The following CRAMP1 variants were observed in gnomAD, a reference collection of about 807,000 sequenced individuals.
The protein encoded by CRAMP1 is protein cramped-like.
In CRAMP1, 50 loss-of-function variants were observed where a neutral mutation model predicts 115.4. The observed-to-expected ratio is 0.43, with a 90% CI of 0.35 to 0.55. The LOEUF is 0.55. Ranked by LOEUF, CRAMP1 falls within the 20% of genes least tolerant of loss-of-function variation. CRAMP1 has a pLI of 0.01. For missense variants in CRAMP1, 1,679 were observed against 1,721.7 expected (o/e 0.98, Z 0.44); for synonymous variants, 866 against 745.4 (o/e 1.16, Z -2.64).
At chr16:1,634,046 A>C (rs535662895) in intron 4 of CRAMP1, among the ~76,000 whole-genome samples, 60 of 152,064 alleles carry the variant, frequency 3.9e-4, no homozygotes, top group Non-Finnish European at 6.6e-4. Flanking sequence ...AAAAGAAAGA[A>C]AGTCAGTCCA....
intron 4 of CRAMP1, among the ~76,000 whole-genome samples, chr16:1,632,834 G>A (rs777818903): frequency 6.6e-6 from 1 of 152,214 alleles, no homozygotes; most frequent in Non-Finnish European, 1.5e-5. Flanking sequence ...TTCAGTCACG[G>A]GACCAAGTCA....
chr16:1,654,886 C>T (rs779550585), intron 8 of CRAMP1, among the ~76,000 whole-genome samples: 3 of 152,272 alleles, frequency 2.0e-5, no homozygotes, highest in South Asian at 2.1e-4. Flanking sequence ...CAGGCCCGCC[C>T]GCCCTTGAAG....
At chr16:1,660,213 G>A in intron 11 of CRAMP1, 150 bp downstream of exon 11, 2 of 661,340 alleles carry the variant, frequency 3.0e-6, no homozygotes, top group East Asian at 3.1e-5. Flanking sequence ...GGGTGAAGGT[G>A]CAGAATCACT....
At chr16:1,616,456 C>T (rs1348292983) in intron 2 of CRAMP1, among the ~76,000 whole-genome samples, 4 of 152,306 alleles carry the variant, frequency 2.6e-5, no homozygotes, top group Middle Eastern at 6.8e-3. Flanking sequence ...CGTTGAAGTG[C>T]GGCTGCTAAA....
intron 6 of CRAMP1, among the ~76,000 whole-genome samples, chr16:1,650,777 A>T (rs2036715903): frequency 6.6e-6 from 1 of 152,280 alleles, no homozygotes; most frequent in African/African-American, 2.4e-5. Flanking sequence ...TGACGTGTGC[A>T]ACTGGGAGTT....
At chr16:1,617,379 A>G (rs185515476) in intron 2 of CRAMP1, among the ~76,000 whole-genome samples, 12 of 152,316 alleles carry the variant, frequency 7.9e-5, no homozygotes, top group Admixed American at 6.5e-4. Context: ...CGTTGCTTCC[A>G]TTACCCGTCA....
rs560644327 is a variant in CRAMP1 at position 1,671,266 on chromosome 16, C to T, written c.3645+457C>T. 5.3e-5 allele frequency among the ~76,000 whole-genome samples: 8 copies of T among 152,226 alleles called. No individual in the cohort carries two copies. In the East Asian group the frequency reaches 1.2e-3, roughly 22 times the overall value. ...GGCATCTCCCTGTCATGTTGAGCTG[C>T]GGTGCAGGGGAACTGGGATGGGCTC... On this transcript the variant is annotated intron_variant, in intron 20 of 20. Coordinates refer to ENST00000397412, the MANE Select transcript of CRAMP1 (RefSeq NM_020825.4). This position sits in a 1 kb window ranked among gnomAD's most constrained non-coding sequence, Gnocchi z 5.0.
rs1248301745 is a variant in CRAMP1 at position 1,674,257 on chromosome 16, A to G, written c.*212A>G. 1.7e-6 allele frequency: 1 copy of G among 589,360 alleles called. No homozygotes were observed. Among genetic ancestry groups the G allele is most frequent in the East Asian group, 2.8e-5 (1 of 35,158 alleles). 36.5% of individuals were successfully genotyped at this position (589,360 alleles called of 1,614,324 possible). On this transcript the variant is annotated 3_prime_UTR_variant, in exon 21 of 21. Transcript: ENST00000397412. The stretch of plus-strand genomic sequence containing the variant: ...TTCTTGGCAAGGGCCAGCGTTAGAA[A>G]TCACTGTGGTACTAGAGCCGTTCTT...
At position 1,632,250 on chromosome 16, in the gene CRAMP1, G is replaced by A. The variant is rs775938302; in HGVS notation, c.579G>A (p.Ala193=). ...TTGAAGCGATTCAGAACAACATTGC[G>A]CTGAAGTACAAGAAGAAAGGCAAGC... ...KDFEAIQNNI[A]LKYKKKGKPA... is the part of the protein sequence containing the mutation. Residue 193 remains alanine, a synonymous_variant, in exon 4 of 21, where the codon GCG becomes GCA. Coordinates refer to ENST00000397412, the MANE Select transcript of CRAMP1 (RefSeq NM_020825.4). The A allele has an allele frequency of 1.4e-5, 22 of 1,579,362 alleles. No individual in the cohort carries two copies. Among genetic ancestry groups the A allele is most frequent in the Admixed American group, 9.3e-5 (5 of 53,750 alleles).
chr16:1,633,459 G>A (rs150499266), intron 4 of CRAMP1, among the ~76,000 whole-genome samples: 19 of 152,364 alleles, frequency 1.2e-4, no homozygotes, highest in African/African-American at 4.6e-4. Flanking sequence ...CGGGTCTGCC[G>A]CCGATGCGGT....
intron 6 of CRAMP1, among the ~76,000 whole-genome samples, chr16:1,649,750 A>C (rs2036707454): frequency 6.6e-6 from 1 of 150,450 alleles, no homozygotes; most frequent in Admixed American, 6.6e-5. Context: ...CGGCCTCCCA[A>C]AGAGCTGAGC....
chr16:1,649,053 CA>C (rs1465125269), intron 6 of CRAMP1, among the ~76,000 whole-genome samples: 6 of 146,960 alleles, frequency 4.1e-5, no homozygotes. Context: ...AGCAAGACTC[CA>C]TCTAAAAAAA....
At chr16:1,626,356 G>A (rs758140786) in intron 3 of CRAMP1, among the ~76,000 whole-genome samples, 190 bp downstream of exon 3, 4 of 152,202 alleles carry the variant, frequency 2.6e-5, no homozygotes, top group Non-Finnish European at 4.4e-5. Context: ...TCCTCATTGA[G>A]ATTTTAGAAG....
At chr16:1,654,206 T>C (rs1024645857) in intron 8 of CRAMP1, among the ~76,000 whole-genome samples, 4 of 151,942 alleles carry the variant, frequency 2.6e-5, no homozygotes, top group Non-Finnish European at 5.9e-5. Flanking sequence ...TTAGCCTTTT[T>C]TTATTTTTTC....
At chr16:1,617,363 C>T (rs2036429327) in intron 2 of CRAMP1, among the ~76,000 whole-genome samples, 1 of 152,202 alleles carries the variant, frequency 6.6e-6, no homozygotes, top group Non-Finnish European at 1.5e-5. Flanking sequence ...GAGACCTCTG[C>T]TCAGTCGTTG....
chr16:1,662,355 G>C, intron 11 of CRAMP1, 135 bp from the exon 12 acceptor site: 1 of 680,160 alleles, frequency 1.5e-6, no homozygotes, highest in Admixed American at 2.4e-5. Flanking sequence ...CTGAGATAGA[G>C]GTGTCTCCTT....
intron 6 of CRAMP1, among the ~76,000 whole-genome samples, chr16:1,651,855 T>A (rs764464557): frequency 6.7e-6 from 1 of 148,234 alleles, no homozygotes. Context: ...CACAGAAAGG[T>A]GGACTGAGGT....
chr16:1,662,385 T>G (rs17135479), intron 11 of CRAMP1, 105 bp from the exon 12 acceptor site: 96,093 of 891,152 alleles, frequency 0.11, 6,645 homozygotes, highest in African/African-American at 0.3. Context: ...CCGAACGGGT[T>G]GCCAAGAGAA....
At position 1,655,881 on chromosome 16, in the gene CRAMP1, A is replaced by G; in HGVS notation, c.1124A>G (p.Lys375Arg). Reference protein sequence around the residue: ...KWALHEVRVRKTLEERQLQDS... With the variant: ...KWALHEVRVRRTLEERQLQDS... Reference sequence around the variant, plus strand: ...CCTTCCTTGACGGGCACTCAGCGGAAGACACTCGAGGAGCGGCAGCTGCAG... The same window carrying G: ...CCTTCCTTGACGGGCACTCAGCGGAGGACACTCGAGGAGCGGCAGCTGCAG... Residue 375 changes from lysine to arginine, a missense_variant, in exon 10 of 21, where the codon AAG becomes AGG. Transcript: ENST00000397412. The G allele has an allele frequency of 1.0e-5, 16 of 1,606,472 alleles. No homozygotes were observed. The highest frequency in any genetic ancestry group is 1.3e-5 in the Non-Finnish European group (15 of 1,175,226).
Sources: gnomAD v4.1 joint callset for allele counts (sites outside exome capture counted in the v4.1 genomes callset) on GRCh38, gnomAD v4.1.1 for gene constraint, Gnocchi (gnomAD v3.1) non-coding constraint, MANE v1.5 for transcripts, NCBI Gene and HGNC (gene_info 2026-07-23, HGNC 2026-07-21) for gene names.